TET1: variants seen among roughly 807,000 people sequenced by gnomAD.
The protein encoded by TET1 is tet methylcytosine dioxygenase 1.
In TET1, 13 loss-of-function variants were observed where a neutral mutation model predicts 148.7. The observed-to-expected ratio is 0.09, with a 90% confidence interval of 0.06 to 0.14. The LOEUF (loss-of-function observed/expected upper bound fraction) is 0.14. Ranked by LOEUF, TET1 falls within the 10% of genes least tolerant of loss-of-function variation. TET1 has a pLI of 1.00. For missense variants in TET1, 2,182 were observed against 2,553.8 expected, an observed-to-expected ratio of 0.85 and a Z score of 3.14; for synonymous variants, 907 against 937.2, an observed-to-expected ratio of 0.97 and a Z score of 0.59.
intron 2 of TET1, among the ~76,000 whole-genome samples, chr10:68,589,125 G>GA (rs1187499741): frequency 1.4e-5 from 2 of 146,766 alleles, no homozygotes; most frequent in African/African-American, 5.4e-5. Context: ...TCAAAAAAAA[G>GA]AAAAAAAAGA....
chr10:68,601,004 C>T lies in TET1; in HGVS notation c.1938C>T (p.Pro646=), dbSNP rs1279107149. Residue 646 remains proline (P), a synonymous_variant, in exon 3 of 12, where the codon CCC becomes CCT. Transcript: ENST00000373644. ...PLEVIKENKR[P]QREKKPKVLK... is the part of the protein sequence containing the mutation. ...AGGTTATAAAGGAAAACAAGAGGCC[C>T]CAGAGGGAAAAGAAGCCCAAAGTTT... is the stretch of plus-strand genomic sequence containing the variant. The T allele has an allele frequency of 6.2e-7, 1 of 1,605,176 alleles. No homozygotes were observed. The highest frequency in any genetic ancestry group is 1.7e-5 in the Admixed American group (1 of 57,782).
At chr10:68,647,047 A>G in intron 4 of TET1, 42 bp downstream of exon 4, 1 of 1,548,442 alleles carries the variant, frequency 6.5e-7, no homozygotes, top group Non-Finnish European at 8.7e-7. Flanking sequence ...ACCTGCACAA[A>G]TTACCTCAAT....
chr10:68,693,977 A>C lies in TET1; in HGVS notation c.*2163A>C, dbSNP rs12781492. Reference sequence around the variant, plus strand: ...ATTTTTCTTTGGATCACCACCTATGACATAGTAAACTTGAAGAATAAAAAC... The same window carrying C: ...ATTTTTCTTTGGATCACCACCTATGCCATAGTAAACTTGAAGAATAAAAAC... On this transcript the variant is annotated 3_prime_UTR_variant, in exon 12 of 12. Transcript: ENST00000373644. 0.11 allele frequency: 24,420 copies of C among 230,408 alleles called. 1,469 individuals are homozygous for C. Among genetic ancestry groups the C allele is most frequent in the South Asian group, 0.17 (913 of 5,492 alleles). The allele number at this position is 230,408 out of a possible 1,614,324, so 14.3% of individuals were successfully genotyped here.
intron 3 of TET1, among the ~76,000 whole-genome samples, chr10:68,620,309 C>T (rs2054352261): frequency 6.6e-6 from 1 of 152,182 alleles, no homozygotes; most frequent in South Asian, 2.1e-4. Context: ...TTCTCCTTAG[C>T]TGTCATTCCC....
intron 1 of TET1, among the ~76,000 whole-genome samples, chr10:68,568,054 T>C (rs2457454): frequency 0.05 from 7,631 of 151,670 alleles, 222 homozygotes; most frequent in South Asian, 0.081. Context: ...AATTTTGTAT[T>C]TTTAGTAGAG....
intron 3 of TET1, among the ~76,000 whole-genome samples, chr10:68,636,979 CGTTGTGTGT>C (rs758139007): frequency 1.9e-4 from 22 of 115,108 alleles, no homozygotes; most frequent in South Asian, 5.2e-4. Flanking sequence ...TTATTTTACT[CGTTGTGTGT>C]GTGTGTGTGT....
At chr10:68,610,984 T>A (rs2054201150) in intron 3 of TET1, among the ~76,000 whole-genome samples, 1 of 152,058 alleles carries the variant, frequency 6.6e-6, no homozygotes, top group African/African-American at 2.4e-5. Flanking sequence ...AAGGTGTAAT[T>A]TATGTTCATA....
chr10:68,628,871 G>A (rs1447779455), intron 3 of TET1, among the ~76,000 whole-genome samples: 1 of 152,160 alleles, frequency 6.6e-6, no homozygotes, highest in Non-Finnish European at 1.5e-5. Flanking sequence ...GCAGCCTGAA[G>A]GAATGAGAGT....
chr10:68,663,365 GTTTT>G, intron 6 of TET1, among the ~76,000 whole-genome samples: 1 of 152,132 alleles, frequency 6.6e-6, no homozygotes, highest in African/African-American at 2.4e-5. Context: ...GCATCTTTCT[GTTTT>G]TTAACAACCT....
chr10:68,653,813 G>C (rs1177955659), intron 6 of TET1, among the ~76,000 whole-genome samples: 1 of 152,060 alleles, frequency 6.6e-6, no homozygotes, highest in Non-Finnish European at 1.5e-5. Context: ...TTCCCATTAA[G>C]TGTGGGTTGT....
intron 6 of TET1, among the ~76,000 whole-genome samples, chr10:68,654,106 CAAAAAAAA>C (rs66890965): frequency 2.4e-5 from 2 of 85,006 alleles, no homozygotes; most frequent in African/African-American, 9.7e-5. Context: ...AAAATGTCTC[CAAAAAAAA>C]AAAAAAAAAA....
In TET1 at chr10:68,645,031, G is replaced by C; in HGVS notation, c.2302G>C (p.Ala768Pro). 1 of 1,613,230 alleles carries C rather than the reference G, an allele frequency of 6.2e-7. No homozygotes were observed. The highest frequency in any genetic ancestry group is 8.5e-7 in the Non-Finnish European group (1 of 1,179,738). ...CATTAAACATGTACACTGTTTACCAGCTGAAACAAATGTTTCATTTAAAAA... is the reference window on the plus strand; with the variant it reads ...CATTAAACATGTACACTGTTTACCACCTGAAACAAATGTTTCATTTAAAAA... ...NGIKHVHCLP[A>P]ETNVSFKKFN... is the part of the protein sequence containing the mutation. The change falls in exon 4 of 12, where the codon GCT becomes CCT. Residue 768 changes from alanine (A) to proline (P), a missense_variant. Ala to Pro is a conservative substitution (Grantham distance 27). Around this residue, in one of 11 missense-constraint regions of TET1, gnomAD observed 226 missense variants for 307.4 expected, o/e 0.74. Transcript: ENST00000373644.
chr10:68,635,844 G>A (rs1181308185), intron 3 of TET1, among the ~76,000 whole-genome samples: 1 of 152,110 alleles, frequency 6.6e-6, no homozygotes, highest in African/African-American at 2.4e-5. Flanking sequence ...ACAAAACAAC[G>A]AAGTGAAAAT....
chr10:68,600,956 C>T (rs750399894), intron 2 of TET1, 25 bp from the exon 3 acceptor site: 7 of 1,592,816 alleles, frequency 4.4e-6, no homozygotes, highest in Admixed American at 1.9e-5. Context: ...AACAGAGGCT[C>T]ATTTTGCAAT....
At chr10:68,599,902 G>A (rs976206756) in intron 2 of TET1, among the ~76,000 whole-genome samples, 1 of 152,010 alleles carries the variant, frequency 6.6e-6, no homozygotes, top group African/African-American at 2.4e-5. Flanking sequence ...AGTGGCAAGT[G>A]TATTTTGAAA....
intron 3 of TET1, among the ~76,000 whole-genome samples, chr10:68,643,398 C>G (rs1176741153): frequency 1.3e-5 from 2 of 151,994 alleles, no homozygotes; most frequent in Non-Finnish European, 2.9e-5. Context: ...AATCAGTGAA[C>G]TTACTATACA....
At chr10:68,647,087 T>C (rs2054861925) in intron 4 of TET1, 82 bp downstream of exon 4, 2 of 1,423,362 alleles carry the variant, frequency 1.4e-6, no homozygotes, top group Admixed American at 2.3e-5. Flanking sequence ...GATTCATCTT[T>C]TTTGTGTGAT....
intron 2 of TET1, among the ~76,000 whole-genome samples, chr10:68,600,772 A>G (rs1210591501): frequency 6.6e-6 from 1 of 152,170 alleles, no homozygotes; most frequent in Non-Finnish European, 1.5e-5. Context: ...AAAAAAGGGT[A>G]TTTCCCTGCT....
At chr10:68,652,630 T>C in intron 6 of TET1, 36 bp downstream of exon 6, 3 of 1,426,660 alleles carry the variant, frequency 2.1e-6, no homozygotes, top group Non-Finnish European at 2.9e-6. Context: ...TTTTGAAGCT[T>C]GTTATTCCAG....
Sources: allele counts gnomAD v4.1 joint callset (sites outside exome capture counted in the v4.1 genomes callset), GRCh38; gene constraint gnomAD v4.1.1; regional missense constraint gnomAD v4.1.1; transcripts MANE v1.5; gene names NCBI Gene and HGNC (gene_info 2026-07-23, HGNC 2026-07-21).